Variants in SLAIN1 observed in about 807,000 individuals in gnomAD.
SLAIN1 encodes the protein SLAIN motif-containing protein 1.
Under a neutral mutation model 55.4 loss-of-function variants are expected in SLAIN1, and 17 were observed. The ratio of observed to expected loss-of-function variants is 0.31; its 90% CI spans 0.21 to 0.46. The LOEUF (loss-of-function observed/expected upper bound fraction) is 0.46. Among genes scored for constraint, SLAIN1 ranks in the 20% least tolerant of loss-of-function variants. The pLI, the probability that SLAIN1 is intolerant of heterozygous loss-of-function variation, is 1.00. For missense variants in SLAIN1, 682 were observed against 785.1 expected (o/e 0.87, Z 1.57); for synonymous variants, 348 against 337.4 (o/e 1.03, Z -0.35).
In SLAIN1 at chr13:77,697,737, G is replaced by A. The variant is rs983680978; in HGVS notation, c.-177G>A. 1 of 427,856 alleles carries A rather than the reference G, an allele frequency of 2.3e-6. No homozygotes were observed. Among genetic ancestry groups the A allele is most frequent in the East Asian group, 5.9e-5 (1 of 16,912 alleles). 26.5% of individuals were successfully genotyped at this position (427,856 alleles called of 1,614,324 possible). On this transcript the variant is annotated 5_prime_UTR_variant, in exon 1 of 7. Transcript: ENST00000418532. ...TGTGCAGATCAGCTCGGTGGTGGCT[G>A]CCGCGGCCGGAGGCGAGGGCCCGGT...
intron 2 of SLAIN1, among the ~76,000 whole-genome samples, chr13:77,737,336 G>T (rs1873172212): frequency 6.6e-6 from 1 of 151,730 alleles, no homozygotes; most frequent in Admixed American, 6.6e-5. Context: ...CCTCTTAACT[G>T]GTCTCCCAGA....
rs71102771 is a variant in SLAIN1, at chr13:77,698,134, G to GGT, written c.221_222insGT (p.Leu75SerfsTer125). On this transcript the variant is annotated frameshift_variant, in exon 1 of 7. Transcript: ENST00000418532. LOFTEE classifies it high-confidence loss of function. This position sits in a 1 kb window ranked among gnomAD's most constrained non-coding sequence, Gnocchi z 4.1. ...CCGCCCGCCGCGCCGCCCCCCGCTG[G>GGT]CCTGCAGCCTTTGGGTCCTCGGAGC... The GGT allele has an allele frequency of 3.0e-6, 3 of 996,524 alleles. 1 individual carries two copies. Among genetic ancestry groups the GGT allele is most frequent in the Middle Eastern group, 4.1e-4 (1 of 2,462 alleles). 61.7% of individuals were successfully genotyped at this position (996,524 alleles called of 1,614,324 possible).
intron 1 of SLAIN1, among the ~76,000 whole-genome samples, chr13:77,712,343 C>T (rs1299186130): frequency 6.6e-6 from 1 of 152,130 alleles, no homozygotes; most frequent in Non-Finnish European, 1.5e-5. Context: ...CCAAAATCAC[C>T]TTAAGCTGAT....
chr13:77,731,012 G>C (rs1872836010), intron 2 of SLAIN1, among the ~76,000 whole-genome samples: 1 of 152,134 alleles, frequency 6.6e-6, no homozygotes, highest in Non-Finnish European at 1.5e-5. Flanking sequence ...AAATATGAGA[G>C]AAGTGAGGGG....
chr13:77,713,821 C>G (rs1269802525), intron 1 of SLAIN1, among the ~76,000 whole-genome samples: 1 of 152,114 alleles, frequency 6.6e-6, no homozygotes, highest in East Asian at 1.9e-4. Context: ...CACATACACA[C>G]CATGGAATAC....
chr13:77,734,740 G>A (rs1181579172), intron 2 of SLAIN1, among the ~76,000 whole-genome samples: 7 of 151,950 alleles, frequency 4.6e-5, no homozygotes, highest in Non-Finnish European at 7.4e-5. Flanking sequence ...GTAGAATGTT[G>A]GCTGGGCGGT....
chr13:77,731,297 A>G (rs1005431098), intron 2 of SLAIN1, among the ~76,000 whole-genome samples: 3 of 152,214 alleles, frequency 2.0e-5, no homozygotes, highest in Non-Finnish European at 4.4e-5. Flanking sequence ...TATAAGTAAT[A>G]TTGGATGCTA....
At position 77,763,553 on chromosome 13, in the gene SLAIN1, G is replaced by C. The variant is rs549745003; in HGVS notation, c.*333G>C. The C allele has an allele frequency of 1.4e-5, 3 of 221,030 alleles. No homozygotes were observed. Among genetic ancestry groups the C allele is most frequent in the African/African-American group, 2.3e-5 (1 of 43,944 alleles). 13.7% of individuals were successfully genotyped at this position (221,030 alleles called of 1,614,324 possible). A position where few individuals can be genotyped will look rare whatever the true frequency, so the allele number is the denominator to read the frequency against. On this transcript the variant is annotated 3_prime_UTR_variant, in exon 7 of 7. Coordinates refer to ENST00000418532, the MANE Select transcript of SLAIN1 (RefSeq NM_001242868.2). Reference sequence around the variant, plus strand: ...CCATATGAGTTTTTTAAAGTAACTTGTTCAATTTACTCACGTGTTCTAAAC... The same window carrying C: ...CCATATGAGTTTTTTAAAGTAACTTCTTCAATTTACTCACGTGTTCTAAAC...
intron 5 of SLAIN1, among the ~76,000 whole-genome samples, chr13:77,756,021 G>A (rs920604720): frequency 8.1e-4 from 124 of 152,268 alleles, no homozygotes; most frequent in African/African-American, 2.9e-3. Flanking sequence ...TATAGAAGGA[G>A]GAACACAGTT....
At chr13:77,758,487 T>C (rs962290609) in intron 5 of SLAIN1, among the ~76,000 whole-genome samples, 12 of 152,186 alleles carry the variant, frequency 7.9e-5, no homozygotes, top group Admixed American at 3.3e-4. Flanking sequence ...ATTTTAGTCA[T>C]GATTTCTTTG....
chr13:77,708,216 C>A (rs2091109616), intron 1 of SLAIN1, among the ~76,000 whole-genome samples: 1 of 152,088 alleles, frequency 6.6e-6, no homozygotes, highest in African/African-American at 2.4e-5. Context: ...ATCACATAGG[C>A]CCTAAGTAAT....
At chr13:77,703,550 G>C (rs576735888) in intron 1 of SLAIN1, among the ~76,000 whole-genome samples, 1 of 152,074 alleles carries the variant, frequency 6.6e-6, no homozygotes, top group Non-Finnish European at 1.5e-5. Context: ...AAATGTTGAA[G>C]TGAGGTGCTG....
At chr13:77,741,142 T>A (rs939238512) in intron 2 of SLAIN1, 18 of 985,150 alleles carry the variant, frequency 1.8e-5, no homozygotes, top group Non-Finnish European at 2.0e-5. Flanking sequence ...CATCTGTGGG[T>A]GAGAACACGC....
chr13:77,718,437 T>C (rs1438234561), intron 1 of SLAIN1, among the ~76,000 whole-genome samples: 1 of 152,132 alleles, frequency 6.6e-6, no homozygotes, highest in Non-Finnish European at 1.5e-5. Context: ...CCTGAAATAT[T>C]TACTTGCCGG....
At chr13:77,755,181 T>C (rs1874509886) in intron 5 of SLAIN1, among the ~76,000 whole-genome samples, 1 of 152,074 alleles carries the variant, frequency 6.6e-6, no homozygotes. Flanking sequence ...TAGCCAGGCA[T>C]AGTGGCACAT....
intron 3 of SLAIN1, among the ~76,000 whole-genome samples, chr13:77,745,866 T>A (rs73231055): frequency 0.026 from 3,905 of 152,074 alleles, 50 homozygotes; most frequent in Non-Finnish European, 0.03. Context: ...CCACTTTTTT[T>A]AAAAATTGTA....
At chr13:77,745,425 G>A (rs1358280151) in intron 3 of SLAIN1, among the ~76,000 whole-genome samples, 1 of 151,872 alleles carries the variant, frequency 6.6e-6, no homozygotes, top group Non-Finnish European at 1.5e-5. Context: ...TAAAATTTCA[G>A]TTAAAATGCA....
chr13:77,764,029 T>C lies in SLAIN1; in HGVS notation c.*809T>C, dbSNP rs1333667852. The C allele has an allele frequency of 6.6e-6, 1 of 152,646 alleles. No individual in the cohort carries two copies. The highest frequency in any genetic ancestry group is 1.9e-4 in the East Asian group (1 of 5,202). The allele number at this position is 152,646 out of a possible 1,614,324, so 9.5% of individuals were successfully genotyped here. A position where few individuals can be genotyped will look rare whatever the true frequency, so the allele number is the denominator to read the frequency against. On this transcript the variant is annotated 3_prime_UTR_variant, in exon 7 of 7. Coordinates refer to ENST00000418532, the MANE Select transcript of SLAIN1 (RefSeq NM_001242868.2). ...ACCACAATTGATTTTCAATACTTTA[T>C]TACGAAGGATGAAACTGTAATGTTT...
In SLAIN1 at chr13:77,698,354, C is replaced by G. The variant is rs2090995181; in HGVS notation, c.441C>G (p.Phe147Leu). Reference protein sequence around the residue: ...CSLAQPPEAPFVYFKPAAGFF... With the variant: ...CSLAQPPEAPLVYFKPAAGFF... ...TGGCGCAGCCACCCGAGGCGCCCTT[C>G]GTCTACTTCAAGCCGGCAGCAGGCT... Residue 147 changes from phenylalanine (F) to leucine (L), a missense_variant, in exon 1 of 7, where the codon TTC becomes TTG. Physicochemically the swap from Phe to Leu is conservative, Grantham distance 22 (BLOSUM62 0). Around this residue, in one of 3 missense-constraint regions of SLAIN1, gnomAD observed 401 missense variants for 417.3 expected, o/e 0.96. Transcript: ENST00000418532. This position sits in a 1 kb window ranked among gnomAD's most constrained non-coding sequence, Gnocchi z 4.1. 2 of 1,444,526 alleles carry G rather than the reference C, an allele frequency of 1.4e-6. No individual in the cohort carries two copies. Among genetic ancestry groups the G allele is most frequent in the Non-Finnish European group, 1.8e-6 (2 of 1,100,420 alleles). 89.5% of individuals were successfully genotyped at this position (1,444,526 alleles called of 1,614,324 possible).
Sources: allele counts gnomAD v4.1 joint callset (sites outside exome capture counted in the v4.1 genomes callset), GRCh38; gene constraint gnomAD v4.1.1; regional missense constraint gnomAD v4.1.1; non-coding constraint Gnocchi (gnomAD v3.1); transcripts MANE v1.5; gene names NCBI Gene and HGNC (gene_info 2026-07-23, HGNC 2026-07-21).